Variants in SCRG1 observed in about 807,000 individuals in gnomAD.
SCRG1 encodes the protein stimulator of chondrogenesis 1.
In SCRG1, 3 loss-of-function variants were observed where a neutral mutation model predicts 7.7. The observed-to-expected ratio is 0.39, with a 90% CI of 0.18 to 1.01. The LOEUF (loss-of-function observed/expected upper bound fraction) is 1.01. Ranked by LOEUF, SCRG1 falls within the 50% of genes least tolerant of loss-of-function variation. SCRG1 has a pLI of 0.36. For synonymous variants in SCRG1, 46 were observed against 41.2 expected, an observed-to-expected ratio of 1.12 and a Z score of -0.44; for missense variants, 110 against 117.2, an observed-to-expected ratio of 0.94 and a Z score of 0.28.
chr4:173,440,033 A>G, the SCRG1 span, among the ~76,000 whole-genome samples: 1 of 152,204 alleles, frequency 6.6e-6, no homozygotes, highest in Non-Finnish European at 1.5e-5. Flanking sequence ...CTGCAAAAAT[A>G]TGGTGATATT....
chr4:173,393,171 G>A (rs1236158189), intron 1 of SCRG1, among the ~76,000 whole-genome samples: 2 of 151,638 alleles, frequency 1.3e-5, no homozygotes, highest in African/African-American at 4.9e-5. Flanking sequence ...TCTTTTAAAG[G>A]TAAGTCATTT....
chr4:173,484,439 A>G, the SCRG1 span, among the ~76,000 whole-genome samples: 1 of 42,226 alleles, frequency 2.4e-5, no homozygotes, highest in Non-Finnish European at 4.5e-5. Flanking sequence ...TTATATACAT[A>G]TGATATATAA....
At chr4:173,445,576 C>T in the SCRG1 span, among the ~76,000 whole-genome samples, 4 of 74,862 alleles carry the variant, frequency 5.3e-5, no homozygotes, top group South Asian at 6.7e-4. Context: ...AGTAAGACTC[C>T]GTCTCGGAAA....
chr4:173,499,210 C>T, the SCRG1 span, among the ~76,000 whole-genome samples: 1 of 152,218 alleles, frequency 6.6e-6, no homozygotes, highest in Non-Finnish European at 1.5e-5. This position sits in a 1 kb window ranked among gnomAD's most constrained non-coding sequence, Gnocchi z 4.1. Context: ...ATTATCTGGA[C>T]TGTCCTCCCA....
chr4:173,442,930 A>G, the SCRG1 span, among the ~76,000 whole-genome samples: 1 of 152,142 alleles, frequency 6.6e-6, no homozygotes, highest in Non-Finnish European at 1.5e-5. Flanking sequence ...TTAAATTTCA[A>G]CATGAGTTTT....
the SCRG1 span, among the ~76,000 whole-genome samples, chr4:173,479,435 G>GTTTTTTTTTTTTTTTTTTT: frequency 3.2e-5 from 4 of 125,928 alleles, no homozygotes; most frequent in Non-Finnish European, 3.4e-5. Flanking sequence ...TTGTTTGTTT[G>GTTTTTTTTTTTTTTTTTTT]TTTTTTTGTT....
chr4:173,439,392 G>A, the SCRG1 span, among the ~76,000 whole-genome samples: 2 of 151,894 alleles, frequency 1.3e-5, no homozygotes, highest in Admixed American at 1.3e-4. Context: ...CAATTACAGT[G>A]GAGGACACCT....
At chr4:173,517,481 T>C in the SCRG1 span, among the ~76,000 whole-genome samples, 2 of 128,834 alleles carry the variant, frequency 1.6e-5, no homozygotes, top group African/African-American at 2.9e-5. Context: ...GTAACTGCTA[T>C]TTTTTTTTTC....
the SCRG1 span, chr4:173,420,060 A>C: frequency 1.6e-6 from 1 of 613,578 alleles, no homozygotes; most frequent in Non-Finnish European, 3.0e-6. Context: ...AATCAGTTTT[A>C]CCCTTTCATC....
chr4:173,460,753 A>G, the SCRG1 span, among the ~76,000 whole-genome samples: 5 of 152,156 alleles, frequency 3.3e-5, no homozygotes, highest in Non-Finnish European at 5.9e-5. Flanking sequence ...TAAAGTACCA[A>G]GTGGGCTCCT....
At chr4:173,512,232 A>C in the SCRG1 span, among the ~76,000 whole-genome samples, 7 of 152,192 alleles carry the variant, frequency 4.6e-5, no homozygotes, top group Non-Finnish European at 1.0e-4. Flanking sequence ...ACAGTGGGTG[A>C]TCTGAAAGCT....
the SCRG1 span, among the ~76,000 whole-genome samples, chr4:173,444,220 C>G: frequency 1.3e-5 from 2 of 152,038 alleles, no homozygotes; most frequent in Non-Finnish European, 2.9e-5. Flanking sequence ...GTGATTCACC[C>G]GCCTCGGCCT....
At chr4:173,516,488 T>C in the SCRG1 span, among the ~76,000 whole-genome samples, 2 of 152,236 alleles carry the variant, frequency 1.3e-5, no homozygotes, top group African/African-American at 4.8e-5. Flanking sequence ...AGGTAATGCG[T>C]ATTAAAAGGC....
the SCRG1 span, among the ~76,000 whole-genome samples, chr4:173,467,175 A>T: frequency 1.3e-5 from 2 of 152,156 alleles, no homozygotes; most frequent in Non-Finnish European, 2.9e-5. Context: ...ATTTTTCTTA[A>T]TGTATCATGT....
chr4:173,396,741 T>TGTGTGTGTGTGTGAGTGA (rs35823365), intron 1 of SCRG1, among the ~76,000 whole-genome samples: 3 of 145,530 alleles, frequency 2.1e-5, no homozygotes, highest in Admixed American at 6.8e-5. Context: ...TGTGTGTGTG[T>TGTGTGTGTGTGTGAGTGA]GTGTGTGTAT....
the SCRG1 span, among the ~76,000 whole-genome samples, chr4:173,438,148 G>A: frequency 7.9e-4 from 120 of 152,088 alleles, no homozygotes; most frequent in African/African-American, 2.6e-3. Flanking sequence ...AGGGTCTCAC[G>A]CGTGTTGCAC....
the SCRG1 span, among the ~76,000 whole-genome samples, chr4:173,497,831 C>T: frequency 9.2e-5 from 14 of 151,770 alleles, no homozygotes; most frequent in African/African-American, 3.4e-4. Flanking sequence ...CCACCACGCC[C>T]GGCTAGTTTT....
At chr4:173,436,692 G>A in the SCRG1 span, among the ~76,000 whole-genome samples, 5 of 152,168 alleles carry the variant, frequency 3.3e-5, no homozygotes, top group Non-Finnish European at 7.3e-5. Flanking sequence ...TAAATTGGAA[G>A]CCATGTCAGC....
At chr4:173,420,003 G>A in the SCRG1 span, 1 of 682,340 alleles carries the variant, frequency 1.5e-6, no homozygotes, top group South Asian at 1.4e-5. Flanking sequence ...ATTTGGGTGT[G>A]TTGTATTTAT....
Sources: allele counts gnomAD v4.1 joint callset (sites outside exome capture counted in the v4.1 genomes callset), GRCh38; gene constraint gnomAD v4.1.1; non-coding constraint Gnocchi (gnomAD v3.1); transcripts MANE v1.5; gene names NCBI Gene and HGNC (gene_info 2026-07-23, HGNC 2026-07-21).